DMPK: variants seen among roughly 807,000 people sequenced by gnomAD.
DMPK encodes DM1 protein kinase, also known as myotonin-protein kinase.
DMPK carries 32 observed loss-of-function variants against 70.3 expected under a neutral mutation model. The ratio of observed to expected loss-of-function variants is 0.46; its 90% confidence interval spans 0.34 to 0.61. DMPK has a LOEUF of 0.61. DMPK is among the 20% of genes least tolerant of loss of function. The pLI is 0.01. For missense variants in DMPK, 899 were observed against 886.0 expected, an observed-to-expected ratio of 1.01 and a Z score of -0.19; for synonymous variants, 469 against 390.9, an observed-to-expected ratio of 1.20 and a Z score of -2.36.
chr19:45,774,724 G>C (rs889738761), intron 9 of DMPK, among the ~76,000 whole-genome samples: 1 of 152,126 alleles, frequency 6.6e-6, no homozygotes, highest in Non-Finnish European at 1.5e-5. Context: ...CAAGATTCTG[G>C]GAAGCCCAGT....
chr19:45,770,941 G>C (rs1214062301), intron 14 of DMPK, 30 bp downstream of exon 14: 6 of 1,396,070 alleles, frequency 4.3e-6, no homozygotes, highest in Admixed American at 3.2e-5. Context: ...GGGCGCGACG[G>C]CGGAGGGGGG....
Position 45,777,582 on chromosome 19 carries a change from G to T in DMPK, c.891C>A (p.Leu297=). Residue 297 remains leucine (L), a synonymous_variant, in exon 8 of 15, where the codon CTC becomes CTA. Transcript: ENST00000291270. This position sits in a 1 kb window ranked among gnomAD's most constrained non-coding sequence, Gnocchi z 6.7. ...YGKIVHYKEH[L]SLPLVDEGVP... ...CCCCTTCGTCCACCAGCGGCAGAGA[G>T]AGGTGCTCCTGCTCAGAGGGAGAGG... The T allele has an allele frequency of 1.2e-6, 2 of 1,613,372 alleles. No homozygotes were observed. Among genetic ancestry groups the T allele is most frequent in the South Asian group, 2.2e-5 (2 of 91,064 alleles).
chr19:45,775,039 GCAAGACA>G lies in DMPK; in HGVS notation c.1147-12_1147-6del, dbSNP rs757933338. The G allele has an allele frequency of 1.2e-6, 2 of 1,611,828 alleles. No individual in the cohort carries two copies. Among genetic ancestry groups the G allele is most frequent in the Non-Finnish European group, 1.7e-6 (2 of 1,178,654 alleles). The stretch of plus-strand genomic sequence containing the variant: ...CCGAATGTCCGACAGTGTCTCCTGC[GCAAGACA>G]CACAGATGTGAGCAGCAGTCGTCAG... On this transcript the variant is annotated splice_polypyrimidine_tract_variant and splice_region_variant and intron_variant, in intron 8 of 14. Coordinates refer to ENST00000291270, the MANE Select transcript of DMPK (RefSeq NM_004409.5).
intron 3 of DMPK, 26 bp downstream of exon 3, chr19:45,779,413 C>A (rs754669888): frequency 2.5e-6 from 4 of 1,613,740 alleles, no homozygotes; most frequent in Non-Finnish European, 3.4e-6. Flanking sequence ...ATCCTCAAAG[C>A]CCCCCACGTC....
At position 45,777,634 on chromosome 19, in the gene DMPK, G is replaced by C. The variant is rs1969850174; in HGVS notation, c.882+33C>G. ...GGCGATAGCCTGGGAGCGCCTACCG[G>C]GAGAGGCCAGGTCTCCCTGCGGCCG... On this transcript the variant is annotated intron_variant, in intron 7 of 14. Transcript: ENST00000291270. The surrounding 1 kb of genome is among the most constrained non-coding windows in gnomAD (Gnocchi z 6.7). The C allele has an allele frequency of 6.2e-7, 1 of 1,613,406 alleles. No homozygotes were observed. Among genetic ancestry groups the C allele is most frequent in the African/African-American group, 1.3e-5 (1 of 74,946 alleles).
intron 13 of DMPK, 107 bp from the exon 14 acceptor site, chr19:45,771,167 T>C (rs1301408904): frequency 8.6e-7 from 1 of 1,167,418 alleles, no homozygotes; most frequent in East Asian, 2.7e-5. Context: ...TCTAGGGAGA[T>C]CCCGGAGGGA....
rs370041130 is a variant in DMPK, at chr19:45,777,398, C to T, written c.1075G>A (p.Glu359Lys). The T allele has an allele frequency of 8.1e-6, 13 of 1,612,144 alleles. No individual in the cohort carries two copies. Among genetic ancestry groups the T allele is most frequent in the Admixed American group, 1.7e-5 (1 of 59,880 alleles). The change falls in exon 8 of 15, where the codon GAA becomes AAA. Residue 359 changes from glutamate (E) to lysine (K), a missense_variant. By Grantham distance (56) the Glu-to-Lys change is moderately conservative. Coordinates refer to ENST00000291270, the MANE Select transcript of DMPK (RefSeq NM_004409.5). This position sits in a 1 kb window ranked among gnomAD's most constrained non-coding sequence, Gnocchi z 6.7. ...AAGTTGCATGTGTCGGTGGCACCTT[C>T]GAAATCCGGTGTAAAGGGGGGCACG... ...DSVPPFTPDF[E>K]GATDTCNFDL...
Position 45,777,233 on chromosome 19 carries a change from C to T in DMPK, c.1146+94G>A. ...CAGGTGCTCTGGGGAATGAGTGATT[C>T]AGGACCCCAGAAGGTAGGCACTGTC... On this transcript the variant is annotated intron_variant, in intron 8 of 14. Coordinates refer to ENST00000291270, the MANE Select transcript of DMPK (RefSeq NM_004409.5). The surrounding 1 kb of genome is among the most constrained non-coding windows in gnomAD (Gnocchi z 6.7). 1 of 1,433,704 alleles carries T rather than the reference C, an allele frequency of 7.0e-7. No homozygotes were observed. Among genetic ancestry groups the T allele is most frequent in the Non-Finnish European group, 9.2e-7 (1 of 1,090,238 alleles). 88.8% of individuals were successfully genotyped at this position (1,433,704 alleles called of 1,614,324 possible). A position where few individuals can be genotyped will look rare whatever the true frequency, so the allele number is the denominator to read the frequency against.
intron 8 of DMPK, chr19:45,775,249 C>T (rs1386746803): frequency 1.0e-5 from 5 of 478,526 alleles, no homozygotes; most frequent in Non-Finnish European, 1.9e-5. Context: ...CTCACTGCAA[C>T]CTCCGCCTCC....
At position 45,775,166 on chromosome 19, in the gene DMPK, T is replaced by C. The variant is rs569256146; in HGVS notation, c.1147-132A>G. The C allele has an allele frequency of 9.2e-6, 6 of 655,388 alleles. No homozygotes were observed. In the South Asian group the frequency reaches 1.1e-4, roughly 12 times the overall value. 40.6% of individuals were successfully genotyped at this position (655,388 alleles called of 1,614,324 possible). ...ATCTAAAGTGGCCCCTCCAGCATTTTTTCTTTTTTCTTTTTCTTTGATACG... is the reference window on the plus strand; with the variant it reads ...ATCTAAAGTGGCCCCTCCAGCATTTCTTCTTTTTTCTTTTTCTTTGATACG... On this transcript the variant is annotated intron_variant, in intron 8 of 14. Transcript: ENST00000291270.
intron 2 of DMPK, 107 bp downstream of exon 2, chr19:45,779,671 G>A (rs1970006568): frequency 6.5e-7 from 1 of 1,546,178 alleles, no homozygotes; most frequent in Non-Finnish European, 8.7e-7. Context: ...CTCCAGCCCA[G>A]CCCTAGGTTC....
intron 1 of DMPK, 59 bp from the exon 2 acceptor site, chr19:45,779,928 G>C: frequency 6.2e-7 from 1 of 1,612,418 alleles, no homozygotes; most frequent in Non-Finnish European, 8.5e-7. Flanking sequence ...TGGAGACAAG[G>C]GGGAAAGCCC....
In DMPK at chr19:45,770,647, GGA is replaced by G. The variant is rs764727736; in HGVS notation, c.1738-9_1738-8del. On this transcript the variant is annotated splice_polypyrimidine_tract_variant and splice_region_variant and intron_variant, in intron 14 of 14. Coordinates refer to ENST00000291270, the MANE Select transcript of DMPK (RefSeq NM_004409.5). The stretch of plus-strand genomic sequence containing the variant: ...ATAGGCCAGGCCTAGGGACCTGCGG[GGA>G]GAGGGCGAGGTCAACACCCGGCATG... The G allele has an allele frequency of 3.2e-5, 50 of 1,550,636 alleles. No individual in the cohort carries two copies. The African/African-American group carries it at 6.0e-4, about 19-fold the overall frequency.
intron 8 of DMPK, among the ~76,000 whole-genome samples, chr19:45,775,570 G>A (rs1250471250): frequency 9.2e-6 from 1 of 108,656 alleles, no homozygotes; most frequent in African/African-American, 3.1e-5. Context: ...CTAGAGTGCA[G>A]TGGCACAACC....
In DMPK at chr19:45,778,529, G is replaced by A; in HGVS notation, c.545C>T (p.Ala182Val). Residue 182 changes from alanine (A) to valine (V), a missense_variant, in exon 5 of 15, where the codon GCC becomes GTC. Ala to Val is a moderately conservative substitution (Grantham distance 64). Around this residue, in one of 3 missense-constraint regions of DMPK, gnomAD observed 195 missense variants for 259.7 expected, o/e 0.75. Transcript: ENST00000291270. ...ARFYLAEIVMAIDSVHRLGYV... is the reference protein window; with the variant it reads ...ARFYLAEIVMVIDSVHRLGYV... ...GCCAAGCCGGTGCACCGAGTCTATG[G>A]CCATGACAATCTCCGCCAGGTAGAA... 1.2e-6 allele frequency: 2 copies of A among 1,613,912 alleles called. No individual in the cohort carries two copies. The highest frequency in any genetic ancestry group is 1.7e-6 in the Non-Finnish European group (2 of 1,180,026).
chr19:45,778,675 C>T (rs752634390), intron 4 of DMPK, 34 bp from the exon 5 acceptor site: 3 of 1,603,524 alleles, frequency 1.9e-6, no homozygotes, highest in African/African-American at 1.3e-5. Context: ...GGTTGGTAGT[C>T]CCCTGAGGCC....
chr19:45,777,626 G>A lies in DMPK; in HGVS notation c.883-36C>T, dbSNP rs771214913. 8.1e-6 allele frequency: 13 copies of A among 1,612,980 alleles called. No individual in the cohort carries two copies. The Middle Eastern group carries it at 4.9e-4, about 61-fold the overall frequency. On this transcript the variant is annotated intron_variant, in intron 7 of 14. Transcript: ENST00000291270. The surrounding 1 kb of genome is among the most constrained non-coding windows in gnomAD (Gnocchi z 6.7). ...GGAGAGGAGGCGATAGCCTGGGAGC[G>A]CCTACCGGGAGAGGCCAGGTCTCCC...
intron 14 of DMPK, 120 bp from the exon 15 acceptor site, chr19:45,770,760 A>T (rs1969354639): frequency 6.5e-6 from 8 of 1,233,604 alleles, no homozygotes; most frequent in Non-Finnish European, 8.9e-6. Context: ...CCGCCCCAAC[A>T]GCCTACAGCT....
chr19:45,779,869 G>C lies in DMPK; in HGVS notation c.161C>G (p.Ala54Gly), dbSNP rs1246553520. 23 of 1,613,108 alleles carry C rather than the reference G, an allele frequency of 1.4e-5. No homozygotes were observed. Among genetic ancestry groups the C allele is most frequent in the Non-Finnish European group, 1.8e-5 (21 of 1,179,752 alleles). ...CTTAAGCCTCACCACGATGGGCTCC[G>C]CTGGGGGGGTGGTGGGGGAAAAGAA... ...DKYVADFLQW[A>G]EPIVVRLKEV... Residue 54 changes from alanine to glycine, a missense_variant and splice_region_variant, in exon 2 of 15, where the codon GCG becomes GGG. Ala to Gly is a moderately conservative substitution (Grantham distance 60). Around this residue, in one of 3 missense-constraint regions of DMPK, gnomAD observed 149 missense variants for 142.5 expected, o/e 1.05. Coordinates refer to ENST00000291270, the MANE Select transcript of DMPK (RefSeq NM_004409.5).
Sources: gnomAD v4.1 joint callset for allele counts (sites outside exome capture counted in the v4.1 genomes callset) on GRCh38, gnomAD v4.1.1 for gene constraint, gnomAD v4.1.1 regional missense constraint, Gnocchi (gnomAD v3.1) non-coding constraint, MANE v1.5 for transcripts, NCBI Gene and HGNC (gene_info 2026-07-23, HGNC 2026-07-21) for gene names.